The following OXNAD1 variants were observed in gnomAD, a reference collection of about 807,000 sequenced individuals.
OXNAD1 encodes the protein oxidoreductase NAD-binding domain-containing protein 1.
A neutral mutation model predicts 32.9 loss-of-function variants in OXNAD1; 34 were observed. That is an observed-to-expected ratio of 1.03 (90% CI 0.79 to 1.38). The LOEUF is 1.38. OXNAD1 is among the 40% of genes most tolerant of loss of function. The pLI is 0.00. For synonymous variants in OXNAD1, 134 were observed against 135.2 expected, an observed-to-expected ratio of 0.99 and a Z score of 0.06; for missense variants, 407 against 379.4, an observed-to-expected ratio of 1.07 and a Z score of -0.60.
At chr3:16,326,566 G>A (rs1169354630) in intron 9 of OXNAD1, among the ~76,000 whole-genome samples, 5 of 152,166 alleles carry the variant, frequency 3.3e-5, no homozygotes, top group Non-Finnish European at 7.3e-5. Flanking sequence ...CCCCCCATGT[G>A]GGAAGAGGGG....
At position 16,314,188 on chromosome 3, in the gene OXNAD1, T is replaced by C. The variant is rs979811508; in HGVS notation, c.*30+10596T>C. ...GCTTCCTCATGCCAAACCCTGTATG[T>C]CTTTGTGGCTTTTACTGTCCGTGGG... On this transcript the variant is annotated intron_variant, in intron 9 of 9. Transcript: ENST00000435829. This position sits in a 1 kb window ranked among gnomAD's most constrained non-coding sequence, Gnocchi z 4.4. Among the ~76,000 whole-genome samples the C allele has an allele frequency of 6.6e-6, 1 of 152,036 alleles. No individual in the cohort carries two copies. The highest frequency in any genetic ancestry group is 1.5e-5 in the Non-Finnish European group (1 of 67,994).
chr3:16,303,787 G>T lies in OXNAD1; in HGVS notation c.*225G>T. The T allele has an allele frequency of 2.6e-6, 1 of 379,912 alleles. No individual in the cohort carries two copies. The allele number at this position is 379,912 out of a possible 1,614,324, so 23.5% of individuals were successfully genotyped here. On this transcript the variant is annotated 3_prime_UTR_variant, in exon 9 of 9. Transcript: ENST00000285083. This position sits in a 1 kb window ranked among gnomAD's most constrained non-coding sequence, Gnocchi z 4.8. ...CTATTTTTTACTATACTGATTTTCT[G>T]TTATTAACAACGATTTAATTGTCTC...
chr3:16,286,379 A>G lies in OXNAD1; in HGVS notation c.221A>G (p.Glu74Gly). 1 of 1,613,922 alleles carries G rather than the reference A, an allele frequency of 6.2e-7. No individual in the cohort carries two copies. The highest frequency in any genetic ancestry group is 2.2e-5 in the East Asian group (1 of 44,872). The change falls in exon 5 of 9, where the codon GAG becomes GGG. Residue 74 changes from glutamate (E) to glycine (G), a missense_variant. Physicochemically the swap from Glu to Gly is moderately conservative, Grantham distance 98 (BLOSUM62 -2). Transcript: ENST00000285083. ...GCTAAGGTGTGTGGAGCTGCCAGTG[A>G]GTCACCGTCAGTGAAGAGCCTCCGC... ...SAAKVCGAAS[E>G]SPSVKSLRLL...
Position 16,316,450 on chromosome 3 carries a change from G to A in OXNAD1, c.*30+12858G>A, listed in dbSNP as rs1236641300. ...GTGGGATGAACAGCAGCCTTGGTTT[G>A]TAGCCCAGGGTGTCCATGGATTTGA... On this transcript the variant is annotated intron_variant, in intron 9 of 9. Coordinates refer to the OXNAD1 transcript ENST00000435829. This position sits in a 1 kb window ranked among gnomAD's most constrained non-coding sequence, Gnocchi z 4.5. 8 of 286,466 alleles carry A rather than the reference G, an allele frequency of 2.8e-5. No homozygotes were observed. The highest frequency in any genetic ancestry group is 2.1e-4 in the Admixed American group (4 of 19,308). 17.7% of individuals were successfully genotyped at this position (286,466 alleles called of 1,614,324 possible). A position where few individuals can be genotyped will look rare whatever the true frequency, so the allele number is the denominator to read the frequency against.
intron 9 of OXNAD1, chr3:16,315,995 T>C (rs1486889585): frequency 6.6e-6 from 1 of 152,288 alleles, no homozygotes; most frequent in Non-Finnish European, 1.5e-5. Flanking sequence ...CTGGACGATA[T>C]ACACATGATA....
At chr3:16,294,467 C>T (rs2066636027) in intron 5 of OXNAD1, among the ~76,000 whole-genome samples, 1 of 152,184 alleles carries the variant, frequency 6.6e-6, no homozygotes, top group African/African-American at 2.4e-5. Flanking sequence ...CTTTGGCCTC[C>T]CAAAGTGCTG....
chr3:16,334,885 G>C lies in OXNAD1; in HGVS notation c.*31-2227G>C, dbSNP rs549089653. Among the ~76,000 whole-genome samples, 8 of 152,326 alleles carry C rather than the reference G, an allele frequency of 5.3e-5. No homozygotes were observed. In the South Asian group the frequency reaches 1.5e-3, roughly 28 times the overall value. On this transcript the variant is annotated intron_variant, in intron 9 of 9. Transcript: ENST00000435829. The surrounding 1 kb of genome is among the most constrained non-coding windows in gnomAD (Gnocchi z 4.3). ...AATCACAGGGGTCCTTATAAGGACA[G>C]GCAGGAAGGCCAGAGTCAGAGGAAG...
At chr3:16,266,998 A>G (rs2064566532) in intron 1 of OXNAD1, among the ~76,000 whole-genome samples, 6 of 152,226 alleles carry the variant, frequency 3.9e-5, no homozygotes, top group Admixed American at 3.9e-4. Flanking sequence ...CTGTTGGAGC[A>G]AGAGGAGCCC....
intron 1 of OXNAD1, among the ~76,000 whole-genome samples, chr3:16,268,775 T>A (rs1027084706): frequency 1.9e-4 from 29 of 152,224 alleles, no homozygotes; most frequent in Non-Finnish European, 4.3e-4. Flanking sequence ...AGAACAGTAT[T>A]TCCATATTTA....
chr3:16,301,774 TC>T lies in OXNAD1; in HGVS notation c.583del (p.Leu195SerfsTer13). The part of the protein sequence containing the change: ...LLSILRHAAD[L>X]LREQANKRNG... ...TCCATCCTGCGGCACGCAGCAGATCTCCTCAGAGAGCAGGCAAACAAAAGAA... is the reference window on the plus strand; with the variant it reads ...TCCATCCTGCGGCACGCAGCAGATCTCTCAGAGAGCAGGCAAACAAAAGAA... On this transcript the variant is annotated frameshift_variant, in exon 7 of 9. Transcript: ENST00000285083. LOFTEE classifies it high-confidence loss of function. The surrounding 1 kb of genome is among the most constrained non-coding windows in gnomAD (Gnocchi z 4.1). 1 of 1,614,024 alleles carries T rather than the reference TC, an allele frequency of 6.2e-7. No individual in the cohort carries two copies. Among genetic ancestry groups the T allele is most frequent in the Non-Finnish European group, 8.5e-7 (1 of 1,179,992 alleles).
Position 16,303,385 on chromosome 3 carries a change from G to A in OXNAD1, c.785-23G>A. 1.2e-6 allele frequency: 2 copies of A among 1,612,042 alleles called. No individual in the cohort carries two copies. The highest frequency in any genetic ancestry group is 8.5e-7 in the Non-Finnish European group (1 of 1,178,794). ...ATACAACCATGTCTGGCTTAATTTG[G>A]TGTTTATTCTGGTTTTTGGTAGAAG... On this transcript the variant is annotated intron_variant, in intron 8 of 8. Transcript: ENST00000285083. This position sits in a 1 kb window ranked among gnomAD's most constrained non-coding sequence, Gnocchi z 4.8.
chr3:16,316,744 A>G lies in OXNAD1; in HGVS notation c.*30+13152A>G, dbSNP rs886315691. 4 of 1,542,324 alleles carry G rather than the reference A, an allele frequency of 2.6e-6. No individual in the cohort carries two copies. Among genetic ancestry groups the G allele is most frequent in the Admixed American group, 1.7e-5 (1 of 58,450 alleles). On this transcript the variant is annotated intron_variant, in intron 9 of 9. Transcript: ENST00000435829. This position sits in a 1 kb window ranked among gnomAD's most constrained non-coding sequence, Gnocchi z 4.5. ...CAAAGGGTAGGTAACACACAACACC[A>G]GGGAAACCAGCCCCCAAACCAGCTG...
rs2068028428 is a variant in OXNAD1, at chr3:16,312,233, G to A, written c.*30+8641G>A. Among the ~76,000 whole-genome samples the A allele has an allele frequency of 6.6e-6, 1 of 152,150 alleles. No homozygotes were observed. The highest frequency in any genetic ancestry group is 1.5e-5 in the Non-Finnish European group (1 of 68,014). On this transcript the variant is annotated intron_variant, in intron 9 of 9. Transcript: ENST00000435829. This position sits in a 1 kb window ranked among gnomAD's most constrained non-coding sequence, Gnocchi z 4.7. The stretch of plus-strand genomic sequence containing the variant: ...ATTGGGTCTTGTCCTTAGATCTCAT[G>A]TCCACACACTTCCCTGTTCAAAACT...
Position 16,316,949 on chromosome 3 carries a change from C to T in OXNAD1, c.*30+13357C>T. ...CAGGGCCCTGCTGTGGCTGGCAGGA[C>T]CATTCTGCACAGCCTCACCCTCCAC... On this transcript the variant is annotated intron_variant, in intron 9 of 9. Transcript: ENST00000435829. The surrounding 1 kb of genome is among the most constrained non-coding windows in gnomAD (Gnocchi z 4.5). 1.2e-6 allele frequency: 2 copies of T among 1,614,042 alleles called. No individual in the cohort carries two copies. The highest frequency in any genetic ancestry group is 1.7e-6 in the Non-Finnish European group (2 of 1,180,004).
chr3:16,302,581 T>TG lies in OXNAD1; in HGVS notation c.676-58dup, dbSNP rs2067264161. ...AGTTGAGGTTCAGCGTCAATGGTTGTGCACATCTGTTTTGATTTTTTAAAA... is the reference window on the plus strand; with the variant it reads ...AGTTGAGGTTCAGCGTCAATGGTTGTGGCACATCTGTTTTGATTTTTTAAAA... On this transcript the variant is annotated intron_variant, in intron 7 of 8. Transcript: ENST00000285083. This position sits in a 1 kb window ranked among gnomAD's most constrained non-coding sequence, Gnocchi z 4.2. The TG allele has an allele frequency of 3.5e-6, 4 of 1,148,930 alleles. No homozygotes were observed. Among genetic ancestry groups the TG allele is most frequent in the Non-Finnish European group, 5.1e-6 (4 of 779,550 alleles). The allele number at this position is 1,148,930 out of a possible 1,614,324, so 71.2% of individuals were successfully genotyped here. A position where few individuals can be genotyped will look rare whatever the true frequency, so the allele number is the denominator to read the frequency against.
chr3:16,328,159 C>T (rs1574985675), intron 9 of OXNAD1, among the ~76,000 whole-genome samples: 1 of 152,248 alleles, frequency 6.6e-6, no homozygotes, highest in African/African-American at 2.4e-5. Flanking sequence ...AACCTAAGGG[C>T]TCTCTGGCAG....
chr3:16,321,066 T>C lies in OXNAD1; in HGVS notation c.*31-16046T>C, dbSNP rs564617945. The stretch of plus-strand genomic sequence containing the variant: ...AACACAGATGGGTCTTAAGGATAGA[T>C]TGAATATAGGGGAAGGAGAGGGGAG... On this transcript the variant is annotated intron_variant, in intron 9 of 9. Transcript: ENST00000435829. The surrounding 1 kb of genome is among the most constrained non-coding windows in gnomAD (Gnocchi z 4.8). Among the ~76,000 whole-genome samples, 3 of 151,872 alleles carry C rather than the reference T, an allele frequency of 2.0e-5. No individual in the cohort carries two copies. The highest frequency in any genetic ancestry group is 4.2e-4 in the South Asian group (2 of 4,800).
chr3:16,323,228 T>G, intron 9 of OXNAD1: 1 of 622,662 alleles, frequency 1.6e-6, no homozygotes. Flanking sequence ...GCCTGAGATG[T>G]GATTCGGGTT....
At chr3:16,318,391 TAG>T (rs1483487180) in intron 9 of OXNAD1, among the ~76,000 whole-genome samples, 1 of 152,138 alleles carries the variant, frequency 6.6e-6, no homozygotes, top group African/African-American at 2.4e-5. Flanking sequence ...CTTGCTGGGC[TAG>T]AGAGAGGAGC....
Sources: gnomAD v4.1 joint callset for allele counts (sites outside exome capture counted in the v4.1 genomes callset) on GRCh38, gnomAD v4.1.1 for gene constraint, Gnocchi (gnomAD v3.1) non-coding constraint, MANE v1.5 for transcripts, NCBI Gene and HGNC (gene_info 2026-07-23, HGNC 2026-07-21) for gene names.